The following STAU2 variants were observed in gnomAD, a reference collection of about 807,000 sequenced individuals.
STAU2 encodes the protein staufen double-stranded RNA binding protein 2.
Under a neutral mutation model 65.9 loss-of-function variants are expected in STAU2, and 20 were observed. That is an observed-to-expected ratio of 0.30 (90% confidence interval 0.21 to 0.44). The LOEUF is 0.44. STAU2 is among the 20% of genes least tolerant of loss of function. The pLI is 1.00. For missense variants in STAU2, 558 were observed against 683.9 expected (o/e 0.82, Z 2.05); for synonymous variants, 232 against 233.9 (o/e 0.99, Z 0.07).
intron 3 of STAU2, among the ~76,000 whole-genome samples, chr8:73,715,239 GAGCCTGGCCAACATGGTGAA>G (rs1279138161): frequency 2.3e-4 from 34 of 150,930 alleles, no homozygotes; most frequent in African/African-American, 7.5e-4. Context: ...GAATGTTAAA[GAGCCTGGCCAACATGGTGAA>G]AGCCTGGCCA....
At chr8:73,436,643 G>A (rs1177476190) in intron 13 of STAU2, among the ~76,000 whole-genome samples, 7 of 151,474 alleles carry the variant, frequency 4.6e-5, no homozygotes, top group Admixed American at 4.6e-4. Context: ...CTGGAGTGCA[G>A]TGGCGCGATC....
chr8:73,711,372 C>T (rs1287264251), intron 3 of STAU2, among the ~76,000 whole-genome samples: 1 of 152,014 alleles, frequency 6.6e-6, no homozygotes, highest in Non-Finnish European at 1.5e-5. Flanking sequence ...TCAAGTGCAA[C>T]AGACAGCACA....
intron 13 of STAU2, among the ~76,000 whole-genome samples, chr8:73,533,441 A>AGATG (rs1805961520): frequency 6.6e-6 from 1 of 152,176 alleles, no homozygotes; most frequent in African/African-American, 2.4e-5. Context: ...ACTATACTTG[A>AGATG]GATGGTATAC....
intron 9 of STAU2, among the ~76,000 whole-genome samples, chr8:73,608,731 C>T (rs533173066): frequency 6.6e-6 from 1 of 152,094 alleles, no homozygotes; most frequent in African/African-American, 2.4e-5. Context: ...GTGGCTCACG[C>T]CTGTAATCCC....
chr8:73,676,394 A>G (rs1042398888), intron 5 of STAU2, among the ~76,000 whole-genome samples: 1 of 152,212 alleles, frequency 6.6e-6, no homozygotes, highest in African/African-American at 2.4e-5. Context: ...TCTACCTCAC[A>G]TCATACATTA....
intron 13 of STAU2, among the ~76,000 whole-genome samples, chr8:73,468,305 T>A (rs1819776904): frequency 6.6e-6 from 1 of 152,034 alleles, no homozygotes; most frequent in South Asian, 2.1e-4. Flanking sequence ...AAAAATTAAC[T>A]CAAGATGGAT....
intron 13 of STAU2, among the ~76,000 whole-genome samples, chr8:73,533,098 T>C (rs1045109040): frequency 2.0e-5 from 3 of 152,210 alleles, no homozygotes; most frequent in Non-Finnish European, 4.4e-5. Context: ...TAAACCTCTT[T>C]AAAAATACTT....
intron 6 of STAU2, among the ~76,000 whole-genome samples, chr8:73,658,776 GGTGGCACGTGCCT>G (rs1454544016): frequency 6.6e-6 from 1 of 152,048 alleles, no homozygotes; most frequent in African/African-American, 2.4e-5. Context: ...AGCTGGGCAT[GGTGGCACGTGCCT>G]GTAGTCCCAG....
At chr8:73,610,475 G>A (rs919006831) in intron 9 of STAU2, among the ~76,000 whole-genome samples, 1 of 148,070 alleles carries the variant, frequency 6.8e-6, no homozygotes, top group Non-Finnish European at 1.5e-5. Context: ...GGCAGAAGTT[G>A]CAGCCAGCCA....
chr8:73,472,534 A>C (rs944733358), intron 13 of STAU2, among the ~76,000 whole-genome samples: 5 of 152,260 alleles, frequency 3.3e-5, no homozygotes, highest in Non-Finnish European at 5.9e-5. Context: ...ACGAGGGAAT[A>C]ATTACTTAAA....
intron 14 of STAU2, among the ~76,000 whole-genome samples, chr8:73,422,022 G>T (rs1415272513): frequency 1.3e-5 from 2 of 150,688 alleles, no homozygotes; most frequent in Non-Finnish European, 2.9e-5. Flanking sequence ...TCTTTGGTGA[G>T]ACCTTCTGTT....
chr8:73,555,737 G>T (rs1807703842), intron 12 of STAU2, among the ~76,000 whole-genome samples: 1 of 152,180 alleles, frequency 6.6e-6, no homozygotes, highest in Non-Finnish European at 1.5e-5. Flanking sequence ...ATGCAAATAT[G>T]ATGCCATTGC....
intron 3 of STAU2, among the ~76,000 whole-genome samples, chr8:73,737,853 G>C (rs1481429755): frequency 6.6e-6 from 1 of 151,242 alleles, no homozygotes; most frequent in Non-Finnish European, 1.5e-5. Context: ...TAGTTTATCA[G>C]GGCACTTCCT....
chr8:73,669,150 A>C, intron 6 of STAU2: 1 of 700,968 alleles, frequency 1.4e-6, no homozygotes, highest in Non-Finnish European at 2.6e-6. Context: ...TGGTTGTAAC[A>C]GCCTACTGAG....
At chr8:73,469,802 G>A (rs1011073508) in intron 13 of STAU2, among the ~76,000 whole-genome samples, 1 of 152,186 alleles carries the variant, frequency 6.6e-6, no homozygotes, top group African/African-American at 2.4e-5. Context: ...GAATTAGAGC[G>A]AGGTTGTTTG....
chr8:73,704,894 C>T (rs1276443646), intron 4 of STAU2, among the ~76,000 whole-genome samples: 2 of 152,108 alleles, frequency 1.3e-5, no homozygotes, highest in Non-Finnish European at 2.9e-5. Flanking sequence ...ATCTCAATCT[C>T]CTGATCTCAT....
At chr8:73,470,172 G>A (rs1471086551) in intron 13 of STAU2, among the ~76,000 whole-genome samples, 1 of 152,188 alleles carries the variant, frequency 6.6e-6, no homozygotes, top group Non-Finnish European at 1.5e-5. Flanking sequence ...ATTCAGGGTT[G>A]GATTAGGTTG....
chr8:73,439,549 T>C (rs1817974834), intron 13 of STAU2, among the ~76,000 whole-genome samples: 1 of 151,694 alleles, frequency 6.6e-6, no homozygotes, highest in Non-Finnish European at 1.5e-5. Context: ...ACCCGGGAGG[T>C]AGAGGCCGCA....
chr8:73,604,348 CCTCCCAAATAG>C (rs1263043487), intron 9 of STAU2, among the ~76,000 whole-genome samples: 1 of 152,112 alleles, frequency 6.6e-6, no homozygotes, highest in Non-Finnish European at 1.5e-5. Flanking sequence ...CGTGCCTCAG[CCTCCCAAATAG>C]CTGGAACTAC....
Sources: allele counts gnomAD v4.1 joint callset (sites outside exome capture counted in the v4.1 genomes callset), GRCh38; gene constraint gnomAD v4.1.1; transcripts MANE v1.5; gene names NCBI Gene and HGNC (gene_info 2026-07-23, HGNC 2026-07-21).